The following MYO3B variants were observed in gnomAD, a reference collection of about 807,000 sequenced individuals.
The protein encoded by MYO3B is myosin-IIIb.
A neutral mutation model predicts 174.6 loss-of-function variants in MYO3B; 156 were observed. The ratio of observed to expected loss-of-function variants is 0.89; its 90% CI spans 0.78 to 1.02. The LOEUF (loss-of-function observed/expected upper bound fraction) is 1.02, where lower values mean the gene tolerates loss of function less well. Among genes scored for constraint, MYO3B ranks in the 50% least tolerant of loss-of-function variants. The pLI is 0.00. For synonymous variants in MYO3B, 563 were observed against 569.1 expected, an observed-to-expected ratio of 0.99 and a Z score of 0.15; for missense variants, 1,632 against 1,639.4, an observed-to-expected ratio of 1.00 and a Z score of 0.08.
At chr2:170,604,439 A>G (rs568194190) in intron 32 of MYO3B, among the ~76,000 whole-genome samples, 12 of 152,064 alleles carry the variant, frequency 7.9e-5, no homozygotes, top group Non-Finnish European at 1.5e-4. Flanking sequence ...TTCTTTACCT[A>G]AAGTGTGTGA....
At chr2:170,645,746 G>C (rs1057089203) in intron 32 of MYO3B, among the ~76,000 whole-genome samples, 4 of 152,014 alleles carry the variant, frequency 2.6e-5, no homozygotes, top group Non-Finnish European at 4.4e-5. Flanking sequence ...AATTTTCAAG[G>C]GAAAAATCAT....
At chr2:170,535,587 C>CG (rs1553518197) in intron 30 of MYO3B, among the ~76,000 whole-genome samples, 1 of 152,098 alleles carries the variant, frequency 6.6e-6, no homozygotes, top group Non-Finnish European at 1.5e-5. Context: ...GCATGGGCTC[C>CG]GGGTCAACCA....
intron 25 of MYO3B, among the ~76,000 whole-genome samples, chr2:170,480,080 ATTTG>A (rs1189430300): frequency 4.0e-5 from 6 of 151,248 alleles, no homozygotes; most frequent in South Asian, 4.2e-4. Context: ...ACACACATAT[ATTTG>A]TTTATTTATA....
intron 7 of MYO3B, among the ~76,000 whole-genome samples, chr2:170,322,105 T>A (rs1381347536): frequency 2.6e-5 from 3 of 116,112 alleles, no homozygotes; most frequent in Admixed American, 1.0e-4. Context: ...AGAGCGAGAC[T>A]CCGTCTCGAA....
chr2:170,386,174 C>T lies in MYO3B; in HGVS notation c.1291-15C>T. On this transcript the variant is annotated splice_polypyrimidine_tract_variant and intron_variant, in intron 12 of 34. Coordinates refer to ENST00000408978, the MANE Select transcript of MYO3B (RefSeq NM_138995.5). ...GCTATAAATTCTTCACTTGACGCTC[C>T]ATTTTCTGTGCCAGTGCATTGTCAT... 2 of 1,611,968 alleles carry T rather than the reference C, an allele frequency of 1.2e-6. No homozygotes were observed. Among genetic ancestry groups the T allele is most frequent in the South Asian group, 1.1e-5 (1 of 90,916 alleles).
chr2:170,386,337 A>C (rs1574894162), intron 13 of MYO3B, 65 bp downstream of exon 13: 1 of 1,369,598 alleles, frequency 7.3e-7, no homozygotes, highest in East Asian at 2.4e-5. Context: ...CATATTTGAT[A>C]AATGATGGAA....
chr2:170,262,528 G>A (rs1446769835), intron 7 of MYO3B, among the ~76,000 whole-genome samples: 1 of 152,188 alleles, frequency 6.6e-6, no homozygotes, highest in Non-Finnish European at 1.5e-5. Context: ...TAACAAGCTT[G>A]TAACAAGCAA....
intron 7 of MYO3B, among the ~76,000 whole-genome samples, chr2:170,281,750 C>CA (rs1032408278): frequency 6.6e-6 from 1 of 151,730 alleles, no homozygotes; most frequent in African/African-American, 2.4e-5. Context: ...TTGAGACACA[C>CA]AAAAAAAGCA....
rs183520070 is a variant in MYO3B at position 170,469,090 on chromosome 2, C to T, written c.3014+2379C>T. Reference sequence around the variant, plus strand: ...GGCGGAGGTTGCAGTGAGCCAAGATCGTGCCACTGCGCTCCAGCCAGGGCG... The same window carrying T: ...GGCGGAGGTTGCAGTGAGCCAAGATTGTGCCACTGCGCTCCAGCCAGGGCG... On this transcript the variant is annotated intron_variant, in intron 25 of 34. Transcript: ENST00000408978. Among the ~76,000 whole-genome samples the T allele has an allele frequency of 2.9e-4, 44 of 152,192 alleles. 1 individual carries two copies. In the East Asian group the frequency reaches 6.6e-3, roughly 23 times the overall value.
intron 7 of MYO3B, among the ~76,000 whole-genome samples, chr2:170,263,622 A>G (rs1164583580): frequency 6.6e-6 from 1 of 152,156 alleles, no homozygotes; most frequent in African/African-American, 2.4e-5. Context: ...TAAACATCTC[A>G]GTGCATTAAA....
intron 32 of MYO3B, among the ~76,000 whole-genome samples, chr2:170,619,734 A>ATTTTTTTTTTTTTTTT (rs1553539465): frequency 3.0e-5 from 1 of 33,518 alleles, no homozygotes; most frequent in Non-Finnish European, 7.4e-5. Context: ...CTGCTGCCAT[A>ATTTTTTTTTTTTTTTT]TTCTTTTTTT....
chr2:170,425,803 A>G (rs1199466556), intron 22 of MYO3B, among the ~76,000 whole-genome samples: 1 of 152,204 alleles, frequency 6.6e-6, no homozygotes, highest in Non-Finnish European at 1.5e-5. Context: ...GAGCATCTTG[A>G]TAGGTTCTCT....
chr2:170,370,902 T>C (rs948984744), intron 9 of MYO3B, among the ~76,000 whole-genome samples: 20 of 148,994 alleles, frequency 1.3e-4, no homozygotes, highest in African/African-American at 3.9e-4. Context: ...CTCTCTCTCT[T>C]TTTTTTTCTT....
chr2:170,604,793 G>C (rs907772525), intron 32 of MYO3B, among the ~76,000 whole-genome samples: 1 of 152,194 alleles, frequency 6.6e-6, no homozygotes, highest in African/African-American at 2.4e-5. Context: ...ATTTCAGAAA[G>C]AGGCCACACA....
chr2:170,414,775 G>A (rs996625529), intron 22 of MYO3B, among the ~76,000 whole-genome samples: 1 of 152,148 alleles, frequency 6.6e-6, no homozygotes, highest in African/African-American at 2.4e-5. Flanking sequence ...GTTGTTTTCA[G>A]CATGCAGATC....
intron 7 of MYO3B, among the ~76,000 whole-genome samples, chr2:170,302,678 G>C (rs1003621096): frequency 6.6e-6 from 1 of 152,202 alleles, no homozygotes; most frequent in African/African-American, 2.4e-5. Flanking sequence ...TATCTGGAGG[G>C]AATGAGGAAA....
chr2:170,211,931 A>C (rs1022684015), intron 3 of MYO3B, among the ~76,000 whole-genome samples: 1 of 143,898 alleles, frequency 6.9e-6, no homozygotes, highest in Non-Finnish European at 1.5e-5. Context: ...TGGCCTGGTA[A>C]AATGTTTTCT....
intron 28 of MYO3B, among the ~76,000 whole-genome samples, chr2:170,511,216 C>T (rs942304116): frequency 2.0e-5 from 3 of 151,306 alleles, no homozygotes; most frequent in Non-Finnish European, 2.9e-5. Flanking sequence ...CCCGCCACCA[C>T]GCCCAGCTAA....
chr2:170,407,386 G>A (rs1385475926), intron 21 of MYO3B, among the ~76,000 whole-genome samples: 3 of 152,070 alleles, frequency 2.0e-5, no homozygotes, highest in Admixed American at 6.5e-5. Flanking sequence ...ACTTGAACCC[G>A]GGAGGCGGAG....
Sources: gnomAD v4.1 joint callset for allele counts (sites outside exome capture counted in the v4.1 genomes callset) on GRCh38, gnomAD v4.1.1 for gene constraint, MANE v1.5 for transcripts, NCBI Gene and HGNC (gene_info 2026-07-23, HGNC 2026-07-21) for gene names.